PTPRD: variants seen among roughly 807,000 people sequenced by gnomAD.
The protein encoded by PTPRD is protein tyrosine phosphatase receptor type D.
PTPRD carries 34 observed loss-of-function variants against 214.5 expected under a neutral mutation model. That is an observed-to-expected ratio of 0.16 (90% confidence interval 0.12 to 0.21). The LOEUF (loss-of-function observed/expected upper bound fraction) is 0.21. Ranked by LOEUF, PTPRD falls within the 10% of genes least tolerant of loss-of-function variation. PTPRD has a pLI of 1.00. For synonymous variants in PTPRD, 1,128 were observed against 845.7 expected (o/e 1.33, Z -5.79); for missense variants, 2,545 against 2,398.7 (o/e 1.06, Z -1.27).
intron 7 of PTPRD, among the ~76,000 whole-genome samples, chr9:9,693,707 T>C (rs1183062961): frequency 1.3e-5 from 2 of 152,186 alleles, no homozygotes; most frequent in Non-Finnish European, 2.9e-5. Context: ...CTACCTCCTC[T>C]TTAATTAAGG....
At chr9:9,362,205 T>C (rs565853910) in intron 9 of PTPRD, among the ~76,000 whole-genome samples, 4 of 151,250 alleles carry the variant, frequency 2.6e-5, no homozygotes, top group African/African-American at 9.7e-5. Flanking sequence ...AAGTATATAT[T>C]ATACATTCAT....
At chr9:9,779,192 A>G (rs773260136) in intron 5 of PTPRD, among the ~76,000 whole-genome samples, 2 of 151,756 alleles carry the variant, frequency 1.3e-5, no homozygotes, top group African/African-American at 2.4e-5. Flanking sequence ...TTCACCATAT[A>G]CAAAAATTAA....
At chr9:9,379,580 C>G (rs1354914603) in intron 9 of PTPRD, among the ~76,000 whole-genome samples, 1 of 151,980 alleles carries the variant, frequency 6.6e-6, no homozygotes, top group East Asian at 1.9e-4. Context: ...AATTAACCTT[C>G]TGAAATTTTG....
chr9:9,933,111 C>T lies in PTPRD; in HGVS notation c.-368+5396G>A, dbSNP rs1462856985. On this transcript the variant is annotated intron_variant, in intron 5 of 45. Transcript: ENST00000381196. ...ATGGAAAGGAACAACTGGTACCAGC[C>T]GCTGCAAAATCATGCCAAAATGTAA... Among the ~76,000 whole-genome samples the T allele has an allele frequency of 7.4e-4, 113 of 152,184 alleles. 1 individual carries two copies. The highest frequency in any genetic ancestry group is 2.5e-3 in the African/African-American group (103 of 41,454).
chr9:8,648,992 T>C (rs1315304655), intron 12 of PTPRD, among the ~76,000 whole-genome samples: 1 of 152,184 alleles, frequency 6.6e-6, no homozygotes, highest in Non-Finnish European at 1.5e-5. Flanking sequence ...ATCATGTACC[T>C]GCAAATTGGG....
At chr9:9,419,945 G>C (rs905289488) in intron 8 of PTPRD, among the ~76,000 whole-genome samples, 1 of 151,496 alleles carries the variant, frequency 6.6e-6, no homozygotes, top group Non-Finnish European at 1.5e-5. Context: ...AATTATCTTT[G>C]ATCCAGCACC....
chr9:9,759,091 A>G (rs1171079216), intron 6 of PTPRD, among the ~76,000 whole-genome samples: 1 of 152,110 alleles, frequency 6.6e-6, no homozygotes, highest in African/African-American at 2.4e-5. Flanking sequence ...TTTCCGTAGT[A>G]AAATAATTTT....
chr9:9,723,235 T>A (rs567591670), intron 7 of PTPRD, among the ~76,000 whole-genome samples: 1 of 152,202 alleles, frequency 6.6e-6, no homozygotes. Flanking sequence ...TACATAAGAC[T>A]ATCCAGTTGT....
At chr9:10,554,869 C>T (rs917051320) in intron 2 of PTPRD, among the ~76,000 whole-genome samples, 2 of 152,074 alleles carry the variant, frequency 1.3e-5, no homozygotes, top group African/African-American at 4.8e-5. Flanking sequence ...ACTGTGTTAG[C>T]CAGGATGGTC....
At chr9:9,735,378 G>C (rs1355754819) in intron 6 of PTPRD, among the ~76,000 whole-genome samples, 1 of 152,044 alleles carries the variant, frequency 6.6e-6, no homozygotes, top group Non-Finnish European at 1.5e-5. Flanking sequence ...TTTTCCTTTT[G>C]TCTTGGGAAT....
intron 5 of PTPRD, among the ~76,000 whole-genome samples, chr9:9,798,206 T>A (rs1249324983): frequency 6.6e-6 from 1 of 152,002 alleles, no homozygotes; most frequent in Non-Finnish European, 1.5e-5. Flanking sequence ...GGAGGAAACC[T>A]TTATTCATTC....
Position 8,526,608 on chromosome 9 carries a change from GT to G in PTPRD, c.568+18del. 1 of 1,568,790 alleles carries G rather than the reference GT, an allele frequency of 6.4e-7. No homozygotes were observed. On this transcript the variant is annotated intron_variant, in intron 17 of 45. Transcript: ENST00000381196. ...GAATGAGTAAGATCATTCTGTGAAC[GT>G]TAGTTCAGCACTCTTACCTCTTATT...
At chr9:10,002,064 C>A (rs2096333439) in intron 4 of PTPRD, among the ~76,000 whole-genome samples, 1 of 151,714 alleles carries the variant, frequency 6.6e-6, no homozygotes, top group Non-Finnish European at 1.5e-5. Context: ...AGCAATGTTT[C>A]TGTAAACTAT....
intron 5 of PTPRD, among the ~76,000 whole-genome samples, chr9:9,875,436 A>G (rs1338173984): frequency 6.6e-6 from 1 of 152,114 alleles, no homozygotes; most frequent in Non-Finnish European, 1.5e-5. Flanking sequence ...AACATTGAAT[A>G]TCTGTTAATA....
intron 3 of PTPRD, among the ~76,000 whole-genome samples, chr9:10,190,403 A>C (rs1234543283): frequency 1.3e-3 from 164 of 128,050 alleles, no homozygotes; most frequent in Non-Finnish European, 2.1e-3. Flanking sequence ...AAAAAAAAAA[A>C]AAAAAAAAAA....
intron 5 of PTPRD, among the ~76,000 whole-genome samples, chr9:9,843,395 C>T (rs2058780895): frequency 6.6e-6 from 1 of 151,806 alleles, no homozygotes. Flanking sequence ...CTGTCTGTTT[C>T]TCAAATTAGG....
At chr9:10,609,915 C>T (rs1329473334) in intron 2 of PTPRD, among the ~76,000 whole-genome samples, 3 of 152,042 alleles carry the variant, frequency 2.0e-5, no homozygotes, top group East Asian at 1.9e-4. Context: ...TGTTTGCCTT[C>T]ACCAACAGCA....
chr9:9,062,173 A>G (rs2099708725), intron 10 of PTPRD, among the ~76,000 whole-genome samples: 1 of 152,162 alleles, frequency 6.6e-6, no homozygotes, highest in Non-Finnish European at 1.5e-5. Context: ...AATCACATAA[A>G]TGGTCTTGAA....
chr9:8,836,995 T>G lies in PTPRD; in HGVS notation c.-103-103049A>C, dbSNP rs964772546. Among the ~76,000 whole-genome samples the G allele has an allele frequency of 2.7e-4, 40 of 149,958 alleles. 1 individual carries two copies. The highest frequency in any genetic ancestry group is 8.6e-4 in the African/African-American group (35 of 40,788). On this transcript the variant is annotated intron_variant, in intron 11 of 45. Coordinates refer to ENST00000381196, the MANE Select transcript of PTPRD (RefSeq NM_002839.4). ...TCCCCCCACCATTTGGGGAAGAGTC[T>G]AGATTACAGGCGTGAGCCACCACAC...
Sources: gnomAD v4.1 joint callset for allele counts (sites outside exome capture counted in the v4.1 genomes callset) on GRCh38, gnomAD v4.1.1 for gene constraint, MANE v1.5 for transcripts, NCBI Gene and HGNC (gene_info 2026-07-23, HGNC 2026-07-21) for gene names.